RABGAP1L: variants seen among roughly 807,000 people sequenced by gnomAD.
RABGAP1L encodes the protein rab GTPase-activating protein 1-like.
In RABGAP1L, 63 loss-of-function variants were observed where a neutral mutation model predicts 137.7. The ratio of observed to expected loss-of-function variants is 0.46; its 90% CI spans 0.37 to 0.56. RABGAP1L has a LOEUF of 0.56. Ranked by LOEUF, RABGAP1L falls within the 20% of genes least tolerant of loss-of-function variation. The pLI is 0.00. For synonymous variants in RABGAP1L, 431 were observed against 433.7 expected, an observed-to-expected ratio of 0.99 and a Z score of 0.08; for missense variants, 1,095 against 1,244.0, an observed-to-expected ratio of 0.88 and a Z score of 1.80.
At chr1:174,651,853 T>G (rs1675529362) in intron 14 of RABGAP1L, among the ~76,000 whole-genome samples, 1 of 152,200 alleles carries the variant, frequency 6.6e-6, no homozygotes, top group Non-Finnish European at 1.5e-5. Context: ...TTAATATTGT[T>G]ATGTGTGAAT....
intron 18 of RABGAP1L, among the ~76,000 whole-genome samples, chr1:174,771,274 A>C (rs1231846948): frequency 6.6e-6 from 1 of 152,210 alleles, no homozygotes; most frequent in East Asian, 1.9e-4. Context: ...TAACTTATAA[A>C]ATAAAGAGAC....
chr1:174,544,173 A>G (rs1239327095), intron 13 of RABGAP1L, among the ~76,000 whole-genome samples: 1 of 152,140 alleles, frequency 6.6e-6, no homozygotes, highest in African/African-American at 2.4e-5. Flanking sequence ...TCTCCTGGGT[A>G]ATATCCTGCA....
chr1:174,931,490 G>A lies in RABGAP1L; in HGVS notation c.2341-25967G>A, dbSNP rs968396261. Among the ~76,000 whole-genome samples, 14 of 152,208 alleles carry A rather than the reference G, an allele frequency of 9.2e-5. No individual in the cohort carries two copies. In the East Asian group the frequency reaches 2.1e-3, roughly 23 times the overall value. ...CAAATTAAACCTTGCTTCAGCCCTG[G>A]AAAGACTTGCATGTTTTTTTAAAAA... On this transcript the variant is annotated intron_variant, in intron 19 of 25. Coordinates refer to ENST00000681986, the MANE Select transcript of RABGAP1L (RefSeq NM_001366446.1).
chr1:174,649,411 C>A (rs1675265094), intron 14 of RABGAP1L, among the ~76,000 whole-genome samples: 1 of 152,068 alleles, frequency 6.6e-6, no homozygotes, highest in Admixed American at 6.6e-5. Context: ...GACAAAATCC[C>A]TCGGCGATGG....
chr1:174,456,224 T>G (rs1281680357), intron 13 of RABGAP1L, among the ~76,000 whole-genome samples: 2 of 152,056 alleles, frequency 1.3e-5, no homozygotes, highest in African/African-American at 4.8e-5. Flanking sequence ...CTTTTAACAG[T>G]TTTTTATCCA....
Position 174,250,548 on chromosome 1 carries a change from C to CA in RABGAP1L, c.792dup (p.Val265SerfsTer8). ...AGACAAGTGTCTGATGTTAAAGACT[C>CA]AGTTATTCCTACCCCCGACAGTGAT... On this transcript the variant is annotated frameshift_variant, in exon 6 of 26. Coordinates refer to ENST00000681986, the MANE Select transcript of RABGAP1L (RefSeq NM_001366446.1). LOFTEE classifies it high-confidence loss of function. 1 of 1,613,714 alleles carries CA rather than the reference C, an allele frequency of 6.2e-7. No homozygotes were observed. Among genetic ancestry groups the CA allele is most frequent in the Non-Finnish European group, 8.5e-7 (1 of 1,179,702 alleles).
chr1:174,986,613 T>G (rs115851923), intron 24 of RABGAP1L, among the ~76,000 whole-genome samples: 12 of 152,354 alleles, frequency 7.9e-5, no homozygotes, highest in East Asian at 7.7e-4. Flanking sequence ...CGAGGCTCGG[T>G]AGAGTAAATG....
At chr1:174,799,887 C>T in intron 18 of RABGAP1L, 1 of 987,904 alleles carries the variant, frequency 1.0e-6, no homozygotes, top group Non-Finnish European at 1.2e-6. Context: ...GCTACTGCTG[C>T]TGCTGTCTTC....
At chr1:174,491,291 G>T (rs962000009) in intron 13 of RABGAP1L, among the ~76,000 whole-genome samples, 3 of 151,956 alleles carry the variant, frequency 2.0e-5, no homozygotes, top group Admixed American at 6.6e-5. Context: ...CAGGTGATGG[G>T]ATCTGCCATG....
chr1:174,929,456 T>G (rs886149064), intron 19 of RABGAP1L, among the ~76,000 whole-genome samples: 34 of 152,032 alleles, frequency 2.2e-4, no homozygotes, highest in African/African-American at 7.7e-4. Context: ...AATTAGAAAT[T>G]TAGGGGCCAG....
At chr1:174,252,437 T>C (rs1672790654) in intron 6 of RABGAP1L, 43 bp from the exon 7 acceptor site, 1 of 1,586,696 alleles carries the variant, frequency 6.3e-7, no homozygotes. Flanking sequence ...TTTTATCATT[T>C]TATTAGATTA....
At chr1:174,160,080 C>G (rs1395838908) in intron 1 of RABGAP1L, 2 of 152,266 alleles carry the variant, frequency 1.3e-5, no homozygotes, top group African/African-American at 4.8e-5. Flanking sequence ...TTTTCTTACC[C>G]ACACGCAGGC....
intron 12 of RABGAP1L, among the ~76,000 whole-genome samples, chr1:174,389,562 G>A (rs1169838294): frequency 6.6e-6 from 1 of 152,014 alleles, no homozygotes; most frequent in Non-Finnish European, 1.5e-5. Flanking sequence ...CTCTTTGAAA[G>A]CAAAGGAAAT....
chr1:174,877,459 A>G, intron 19 of RABGAP1L: 2 of 1,612,798 alleles, frequency 1.2e-6, no homozygotes, highest in Non-Finnish European at 1.7e-6. Flanking sequence ...TGGAGCTGGG[A>G]CAGCAGCTGC....
intron 19 of RABGAP1L, among the ~76,000 whole-genome samples, chr1:174,830,983 G>A (rs4480415): frequency 0.23 from 34,479 of 146,904 alleles, 6,682 homozygotes; most frequent in Admixed American, 0.27. Flanking sequence ...TCCAGAGTTC[G>A]GAGGAGGCTC....
At chr1:174,695,903 A>T (rs1388269786) in intron 15 of RABGAP1L, among the ~76,000 whole-genome samples, 2 of 152,118 alleles carry the variant, frequency 1.3e-5, no homozygotes, top group Non-Finnish European at 1.5e-5. Context: ...GATCTGAGAG[A>T]ATTCCTAAAA....
intron 1 of RABGAP1L, among the ~76,000 whole-genome samples, chr1:174,210,929 G>A (rs1668839556): frequency 6.6e-6 from 1 of 152,144 alleles, no homozygotes; most frequent in African/African-American, 2.4e-5. Context: ...CCAGAAGAGA[G>A]CAGCAGGACA....
At chr1:174,366,173 T>G (rs1684593588) in intron 11 of RABGAP1L, among the ~76,000 whole-genome samples, 1 of 152,204 alleles carries the variant, frequency 6.6e-6, no homozygotes, top group Non-Finnish European at 1.5e-5. Flanking sequence ...ACTGAATTCA[T>G]TTTAATAATT....
At chr1:174,527,601 T>A (rs1409761194) in intron 13 of RABGAP1L, among the ~76,000 whole-genome samples, 1 of 152,198 alleles carries the variant, frequency 6.6e-6, no homozygotes, top group Non-Finnish European at 1.5e-5. Flanking sequence ...GAAAATAATG[T>A]CTATTCTGCA....
Sources: allele counts gnomAD v4.1 joint callset (sites outside exome capture counted in the v4.1 genomes callset), GRCh38; gene constraint gnomAD v4.1.1; transcripts MANE v1.5; gene names NCBI Gene and HGNC (gene_info 2026-07-23, HGNC 2026-07-21).